NEK9: variants seen among roughly 807,000 people sequenced by gnomAD.
NEK9 encodes NIMA related kinase 9.
Under a neutral mutation model 123.4 loss-of-function variants are expected in NEK9, and 75 were observed. That is an observed-to-expected ratio of 0.61 (90% CI 0.50 to 0.74). The LOEUF (loss-of-function observed/expected upper bound fraction) is 0.74, where lower values mean the gene tolerates loss of function less well. Ranked by LOEUF, NEK9 falls within the 30% of genes least tolerant of loss-of-function variation. The pLI is 0.00. For synonymous variants in NEK9, 438 were observed against 458.7 expected (o/e 0.95, Z 0.58); for missense variants, 952 against 1,214.4 (o/e 0.78, Z 3.21).
intron 16 of NEK9, among the ~76,000 whole-genome samples, chr14:75,099,838 T>C (rs1232773544): frequency 1.4e-5 from 2 of 139,214 alleles, no homozygotes; most frequent in Admixed American, 1.5e-4. Flanking sequence ...CGGAAAGAAA[T>C]AGCCACAGAG....
chr14:75,087,215 G>C lies in NEK9; in HGVS notation c.2620C>G (p.Pro874Ala). 6.2e-7 allele frequency: 1 copy of C among 1,610,956 alleles called. No individual in the cohort carries two copies. The highest frequency in any genetic ancestry group is 8.5e-7 in the Non-Finnish European group (1 of 1,177,374). ...CCCTTCCCAGCACAGGTTACTGCAG[G>C]ATTCAGCCGAGGTGACTAGAGAGAC... is the stretch of plus-strand genomic sequence containing the variant. ...QVEASSPRLN[P>A]AVTCAGKGTP... Residue 874 changes from proline to alanine, a missense_variant, in exon 21 of 22, where the codon CCT becomes GCT. Transcript: ENST00000238616.
chr14:75,082,091 A>G lies in NEK9; in HGVS notation c.*2473T>C, dbSNP rs1031079859. ...GTTTTATCCCCAGAGACTAAGGTCC[A>G]TGCACAGGCTTACTGAAGCACAGTA... On this transcript the variant is annotated 3_prime_UTR_variant, in exon 22 of 22. Transcript: ENST00000238616. The G allele has an allele frequency of 6.6e-6, 1 of 152,238 alleles. No homozygotes were observed. Among genetic ancestry groups the G allele is most frequent in the South Asian group, 2.1e-4 (1 of 4,832 alleles). The allele number at this position is 152,238 out of a possible 1,614,324, so 9.4% of individuals were successfully genotyped here.
chr14:75,082,891 C>G lies in NEK9; in HGVS notation c.*1673G>C. The stretch of plus-strand genomic sequence containing the variant: ...ACTTGCAACTTTAATCAAAGTTTGG[C>G]TGCTTCCCTTATTTCAAGAAAAGGT... On this transcript the variant is annotated 3_prime_UTR_variant, in exon 22 of 22. Coordinates refer to ENST00000238616, the MANE Select transcript of NEK9 (RefSeq NM_033116.6). The G allele has an allele frequency of 7.5e-6, 3 of 398,322 alleles. No individual in the cohort carries two copies. The highest frequency in any genetic ancestry group is 2.1e-5 in the African/African-American group (1 of 48,748). The allele number at this position is 398,322 out of a possible 1,614,324, so 24.7% of individuals were successfully genotyped here.
At chr14:75,114,122 G>T in intron 7 of NEK9, 81 bp downstream of exon 7, 1 of 992,906 alleles carries the variant, frequency 1.0e-6, no homozygotes, top group Non-Finnish European at 1.6e-6. Context: ...GTTTTGTATG[G>T]TTTATAGCTA....
rs762312280 is a variant in NEK9 at position 75,097,287 on chromosome 14, AC to A, written c.2003-18del. The A allele has an allele frequency of 6.3e-6, 10 of 1,577,626 alleles. No homozygotes were observed. The highest frequency in any genetic ancestry group is 8.6e-6 in the Non-Finnish European group (10 of 1,160,248). ...TGTGATTATCTAGGAAAAAAGTTAA[AC>A]AGTAGACCATTTAACAGAACACTGG... On this transcript the variant is annotated intron_variant, in intron 16 of 21. Coordinates refer to ENST00000238616, the MANE Select transcript of NEK9 (RefSeq NM_033116.6).
At chr14:75,122,770 C>T (rs762280632) in intron 2 of NEK9, among the ~76,000 whole-genome samples, 5 of 141,606 alleles carry the variant, frequency 3.5e-5, no homozygotes, top group Non-Finnish European at 6.1e-5. Flanking sequence ...GGATTACAGG[C>T]GTGAGCCACC....
chr14:75,104,758 C>T (rs1028183909), intron 13 of NEK9, among the ~76,000 whole-genome samples: 4 of 152,264 alleles, frequency 2.6e-5, no homozygotes, highest in Non-Finnish European at 5.9e-5. Flanking sequence ...GCTGGGATTA[C>T]AGGCGTGAGC....
chr14:75,104,156 G>A (rs1204793958), intron 13 of NEK9, among the ~76,000 whole-genome samples, 159 bp from the exon 14 acceptor site: 1 of 146,496 alleles, frequency 6.8e-6, no homozygotes, highest in Non-Finnish European at 1.5e-5. Context: ...GTGTCTTAGA[G>A]ACTACTTTTT....
chr14:75,114,273 C>A lies in NEK9; in HGVS notation c.803G>T (p.Arg268Leu), dbSNP rs749392231. Residue 268 changes from arginine (R) to leucine (L), a missense_variant, in exon 7 of 22, where the codon CGG (arginine) becomes CTG (leucine). Arg to Leu is a moderately radical substitution (Grantham distance 102). Transcript: ENST00000238616. ...NLCVKIVQGI[R>L]AMEVDSSQYS... is the part of the protein sequence containing the mutation. ...CTGGCTAGAGTCAACTTCCATGGCC[C>A]GAATTCCTTGCACGATCTTCACACA... is the stretch of plus-strand genomic sequence containing the variant. 6.2e-7 allele frequency: 1 copy of A among 1,614,028 alleles called. No homozygotes were observed. Among genetic ancestry groups the A allele is most frequent in the Non-Finnish European group, 8.5e-7 (1 of 1,179,986 alleles).
At chr14:75,098,365 CAGGCATGA>C (rs1300278214) in intron 16 of NEK9, among the ~76,000 whole-genome samples, 3 of 152,098 alleles carry the variant, frequency 2.0e-5, no homozygotes, top group African/African-American at 7.2e-5. Flanking sequence ...GCCAGGACAA[CAGGCATGA>C]AGGCATGAAT....
At chr14:75,112,900 T>G (rs1251274430) in intron 8 of NEK9, among the ~76,000 whole-genome samples, 1 of 152,330 alleles carries the variant, frequency 6.6e-6, no homozygotes, top group Non-Finnish European at 1.5e-5. Flanking sequence ...TGCCAGGCCC[T>G]GGGCTGACCA....
chr14:75,115,408 C>G (rs992520864), intron 6 of NEK9, among the ~76,000 whole-genome samples: 1 of 152,160 alleles, frequency 6.6e-6, no homozygotes, highest in African/African-American at 2.4e-5. Context: ...TGAGCCACCG[C>G]GCCCAGCCTC....
intron 2 of NEK9, among the ~76,000 whole-genome samples, 197 bp from the exon 3 acceptor site, chr14:75,121,371 A>C (rs1594853150): frequency 6.6e-6 from 1 of 152,162 alleles, no homozygotes; most frequent in African/African-American, 2.4e-5. Context: ...TTCTTCAAAG[A>C]TCTCCCTCTC....
chr14:75,117,806 A>G (rs142697218), intron 5 of NEK9, among the ~76,000 whole-genome samples: 241 of 152,338 alleles, frequency 1.6e-3, no homozygotes, highest in African/African-American at 5.6e-3. Flanking sequence ...ACAGCTAGCG[A>G]ATTTCCTTTG....
intron 2 of NEK9, among the ~76,000 whole-genome samples, chr14:75,121,660 G>A (rs1895339310): frequency 6.6e-6 from 1 of 152,166 alleles, no homozygotes; most frequent in African/African-American, 2.4e-5. Flanking sequence ...ACCAGCCTGG[G>A]CAACACGGCA....
At chr14:75,098,337 G>A (rs1372506002) in intron 16 of NEK9, among the ~76,000 whole-genome samples, 1 of 152,014 alleles carries the variant, frequency 6.6e-6, no homozygotes. Context: ...ATGAAACAGG[G>A]TGGCTATTAA....
chr14:75,096,811 T>G, intron 17 of NEK9: 1 of 235,326 alleles, frequency 4.2e-6, no homozygotes, highest in Non-Finnish European at 8.0e-6. Context: ...AGAGTGAAAC[T>G]CCAACTCAAA....
chr14:75,117,058 T>C (rs1895166342), intron 6 of NEK9, 137 bp downstream of exon 6: 4 of 1,035,810 alleles, frequency 3.9e-6, no homozygotes, highest in Middle Eastern at 2.3e-4. Context: ...ATTTTAGTAA[T>C]AGATTACTAA....
intron 18 of NEK9, among the ~76,000 whole-genome samples, chr14:75,094,486 T>G (rs1349623438): frequency 1.3e-5 from 2 of 152,194 alleles, no homozygotes; most frequent in Non-Finnish European, 2.9e-5. Context: ...TGTTTATGTG[T>G]TTTGATTCCA....
Sources: allele counts gnomAD v4.1 joint callset (sites outside exome capture counted in the v4.1 genomes callset), GRCh38; gene constraint gnomAD v4.1.1; transcripts MANE v1.5; gene names NCBI Gene and HGNC (gene_info 2026-07-23, HGNC 2026-07-21).